The following NLRP12 variants were observed in gnomAD, a reference collection of about 807,000 sequenced individuals.
NLRP12 encodes the protein NACHT, LRR and PYD domains-containing protein 12.
Under a neutral mutation model 91.2 loss-of-function variants are expected in NLRP12, and 108 were observed. That is an observed-to-expected ratio of 1.18 (90% CI 1.01 to 1.39). The LOEUF (loss-of-function observed/expected upper bound fraction) is 1.39, where lower values mean the gene tolerates loss of function less well. Among genes scored for constraint, NLRP12 ranks in the 40% most tolerant of loss-of-function variants. The probability of loss-of-function intolerance (pLI) is 0.00; values close to 1 mark genes in which losing one functional copy is unlikely to be tolerated. For missense variants in NLRP12, 1,530 were observed against 1,352.7 expected (o/e 1.13, Z -2.06); for synonymous variants, 613 against 566.7 (o/e 1.08, Z -1.16).
rs947928463 is a variant in NLRP12, at chr19:53,809,568, A to T, written c.2072+19T>A. The stretch of plus-strand genomic sequence containing the variant: ...ACACGAACCTAAGCAGCCCCAGGGG[A>T]TACCCCAGGGATACTTACAGCTGCA... On this transcript the variant is annotated intron_variant, in intron 3 of 9. Transcript: ENST00000324134. 6.9e-7 allele frequency: 1 copy of T among 1,454,410 alleles called. No individual in the cohort carries two copies. The allele number at this position is 1,454,410 out of a possible 1,614,324, so 90.1% of individuals were successfully genotyped here. A position where few individuals can be genotyped will look rare whatever the true frequency, so the allele number is the denominator to read the frequency against.
At chr19:53,801,651 C>T (rs535389783) in intron 6 of NLRP12, among the ~76,000 whole-genome samples, 15 of 151,706 alleles carry the variant, frequency 9.9e-5, no homozygotes, top group South Asian at 4.2e-4. Context: ...CAGGGTTTCT[C>T]GCCATGTTGG....
chr19:53,795,399 G>C (rs1297768094), intron 9 of NLRP12, among the ~76,000 whole-genome samples: 4 of 151,138 alleles, frequency 2.6e-5, no homozygotes, highest in African/African-American at 9.7e-5. Context: ...TTTTGAGATG[G>C]AGTCTCACTC....
intron 1 of NLRP12, among the ~76,000 whole-genome samples, chr19:53,820,375 C>T (rs1236326091): frequency 1.3e-5 from 2 of 152,020 alleles, no homozygotes; most frequent in Non-Finnish European, 2.9e-5. Flanking sequence ...ACTAAAAATA[C>T]AAAAATTAGC....
At chr19:53,815,302 C>T (rs548791749) in intron 1 of NLRP12, among the ~76,000 whole-genome samples, 1 of 145,280 alleles carries the variant, frequency 6.9e-6, no homozygotes, top group East Asian at 2.1e-4. Context: ...GATCTCGGCT[C>T]ACCACAACCT....
In NLRP12 at chr19:53,810,992, T is replaced by A. The variant is rs1351752665; in HGVS notation, c.667A>T (p.Lys223Ter). ...ATCACCTTGTGTGCCAGCATGGACT[T>A]GCCTATCCCTGCCGCGCCTTGCATG... ...VVMQGAAGIG[K>*]SMLAHKVMLD... is the part of the protein sequence containing the mutation. The change falls in exon 3 of 10, where the codon AAG becomes TAG. Residue 223 changes from lysine to a stop codon, truncating the protein, a stop_gained. Coordinates refer to ENST00000324134, the MANE Select transcript of NLRP12 (RefSeq NM_144687.4). LOFTEE classifies it high-confidence loss of function. The A allele has an allele frequency of 6.2e-7, 1 of 1,614,114 alleles. No homozygotes were observed. The highest frequency in any genetic ancestry group is 1.1e-5 in the South Asian group (1 of 91,086).
Position 53,809,571 on chromosome 19 carries a change from C to A in NLRP12, c.2072+16G>T, listed in dbSNP as rs372430161. ...CGAACCTAAGCAGCCCCAGGGGATA[C>A]CCCAGGGATACTTACAGCTGCACCA... On this transcript the variant is annotated intron_variant, in intron 3 of 9. Coordinates refer to ENST00000324134, the MANE Select transcript of NLRP12 (RefSeq NM_144687.4). 135 of 1,534,598 alleles carry A rather than the reference C, an allele frequency of 8.8e-5. No individual in the cohort carries two copies. The highest frequency in any genetic ancestry group is 1.4e-4 in the Admixed American group (8 of 59,016).
At position 53,824,251 on chromosome 19, in the gene NLRP12, C is replaced by G; in HGVS notation, c.-77G>C. 1.4e-6 allele frequency: 2 copies of G among 1,442,720 alleles called. No individual in the cohort carries two copies. Among genetic ancestry groups the G allele is most frequent in the South Asian group, 1.2e-5 (1 of 86,838 alleles). The allele number at this position is 1,442,720 out of a possible 1,614,324, so 89.4% of individuals were successfully genotyped here. ...TGCACGGGACACAGGGCGACCCCAG[C>G]ACACCTTCCATTGCATCATTCACAG... On this transcript the variant is annotated 5_prime_UTR_variant, in exon 1 of 10. Coordinates refer to ENST00000324134, the MANE Select transcript of NLRP12 (RefSeq NM_144687.4).
At chr19:53,794,396 T>G (rs1364434825) in intron 9 of NLRP12, among the ~76,000 whole-genome samples, 1 of 151,392 alleles carries the variant, frequency 6.6e-6, no homozygotes, top group East Asian at 1.9e-4. Context: ...CTCAGCTCAC[T>G]GCAACCTCCA....
In NLRP12 at chr19:53,798,851, C is replaced by G. The variant is rs1242746148; in HGVS notation, c.2757-438G>C. Among the ~76,000 whole-genome samples, 5 of 151,810 alleles carry G rather than the reference C, an allele frequency of 3.3e-5. No homozygotes were observed. The East Asian group carries it at 9.7e-4, about 29-fold the overall frequency. On this transcript the variant is annotated intron_variant, in intron 7 of 9. Coordinates refer to ENST00000324134, the MANE Select transcript of NLRP12 (RefSeq NM_144687.4). ...CCACCTCACAAGCTCAAGCGATTCT[C>G]CTGCCTCAGTCTCCCAAGTAGATGG...
Position 53,811,265 on chromosome 19 carries a change from A to C in NLRP12, c.394T>G (p.Tyr132Asp). 1 of 1,613,970 alleles carries C rather than the reference A, an allele frequency of 6.2e-7. No individual in the cohort carries two copies. The highest frequency in any genetic ancestry group is 8.5e-7 in the Non-Finnish European group (1 of 1,180,018). ...RKDPQETYRD[Y>D]VRRKFRLMED... ...ATGAGCCGGAATTTCCTGCGGACAT[A>C]GTCCCTGTAGGTTTCCTGGGGATCT... The change falls in exon 3 of 10, where the codon TAT becomes GAT. Residue 132 changes from tyrosine to aspartate, a missense_variant. Transcript: ENST00000324134.
intron 3 of NLRP12, 25 bp from the exon 4 acceptor site, chr19:53,807,690 T>C: frequency 6.8e-6 from 11 of 1,613,680 alleles, no homozygotes; most frequent in Non-Finnish European, 9.3e-6. Flanking sequence ...GACAGGCCAC[T>C]CTCTGGTGTT....
intron 1 of NLRP12, among the ~76,000 whole-genome samples, chr19:53,816,376 G>C (rs1052168117): frequency 3.3e-5 from 5 of 149,552 alleles, no homozygotes; most frequent in Non-Finnish European, 7.4e-5. Context: ...TACACAGCCC[G>C]CCCCCCCCAA....
intron 1 of NLRP12, among the ~76,000 whole-genome samples, chr19:53,816,750 C>G (rs1026858169): frequency 2.6e-5 from 4 of 151,536 alleles, no homozygotes; most frequent in Non-Finnish European, 5.9e-5. Flanking sequence ...CCATGTTGGC[C>G]AGGCTGGTCT....
At chr19:53,800,818 A>T (rs966726089) in intron 7 of NLRP12, among the ~76,000 whole-genome samples, 2 of 152,022 alleles carry the variant, frequency 1.3e-5, no homozygotes, top group African/African-American at 2.4e-5. Flanking sequence ...TCCCCACCTC[A>T]GGTGATCCTC....
chr19:53,796,829 C>G (rs769336324), intron 8 of NLRP12, among the ~76,000 whole-genome samples: 40 of 150,942 alleles, frequency 2.7e-4, no homozygotes, highest in Non-Finnish European at 5.5e-4. Context: ...AACCCCGTCT[C>G]TACTAAAAAT....
chr19:53,815,215 T>G (rs1599854359), intron 1 of NLRP12, among the ~76,000 whole-genome samples: 1 of 141,386 alleles, frequency 7.1e-6, no homozygotes, highest in Non-Finnish European at 1.5e-5. Context: ...CCTCCATCCA[T>G]CCAATCAGTC....
Position 53,804,059 on chromosome 19 carries a change from G to C in NLRP12, c.2478C>G (p.Asn826Lys). 6.2e-7 allele frequency: 1 copy of C among 1,614,082 alleles called. No individual in the cohort carries two copies. Among genetic ancestry groups the C allele is most frequent in the Non-Finnish European group, 8.5e-7 (1 of 1,179,998 alleles). The change falls in exon 6 of 10, where the codon AAC becomes AAG. Residue 826 changes from asparagine to lysine, a missense_variant. Transcript: ENST00000324134. ...CQEMASVLGT[N>K]PHLVELDLTG... ...TCAGGTCCAACTCAACCAGATGTGG[G>C]TTGGTGCCGAGCACAGAAGCCATCT...
Position 53,807,651 on chromosome 19 carries a change from A to ACGGT in NLRP12, c.2083_2086dup (p.Val696AspfsTer9). 6.2e-7 allele frequency: 1 copy of ACGGT among 1,614,126 alleles called. No homozygotes were observed. Among genetic ancestry groups the ACGGT allele is most frequent in the Non-Finnish European group, 8.5e-7 (1 of 1,180,024 alleles). Reference sequence around the variant, plus strand: ...ATGTTCACTGTAGGCGTCCAGCAGAACGGTCCTCTCTGGTCTGCTTGAAGG... The same window carrying ACGGT: ...ATGTTCACTGTAGGCGTCCAGCAGAACGGTCGGTCCTCTCTGGTCTGCTTGAAGG... On this transcript the variant is annotated frameshift_variant, in exon 4 of 10. Coordinates refer to ENST00000324134, the MANE Select transcript of NLRP12 (RefSeq NM_144687.4). LOFTEE classifies it high-confidence loss of function.
At chr19:53,814,855 G>T in intron 2 of NLRP12, 53 bp downstream of exon 2, 2 of 1,456,166 alleles carry the variant, frequency 1.4e-6, no homozygotes, top group East Asian at 2.3e-5. Context: ...CACTCCGTGG[G>T]GTCAGCTGCT....
Sources: gnomAD v4.1 joint callset for allele counts (sites outside exome capture counted in the v4.1 genomes callset) on GRCh38, gnomAD v4.1.1 for gene constraint, MANE v1.5 for transcripts, NCBI Gene and HGNC (gene_info 2026-07-23, HGNC 2026-07-21) for gene names.